The following ELOVL5 variants were observed in gnomAD, a reference collection of about 807,000 sequenced individuals.
ELOVL5 encodes the protein ELOVL fatty acid elongase 5.
ELOVL5 carries 8 observed loss-of-function variants against 38.6 expected under a neutral mutation model. The ratio of observed to expected loss-of-function variants is 0.21; its 90% CI spans 0.12 to 0.37. The LOEUF (loss-of-function observed/expected upper bound fraction) is 0.37, where lower values mean the gene tolerates loss of function less well. Ranked by LOEUF, ELOVL5 falls within the 10% of genes least tolerant of loss-of-function variation. ELOVL5 has a pLI of 1.00. For missense variants in ELOVL5, 280 were observed against 367.8 expected (o/e 0.76, Z 1.95); for synonymous variants, 127 against 133.7 (o/e 0.95, Z 0.34).
At chr6:53,321,195 C>G (rs1251356819) in intron 1 of ELOVL5, among the ~76,000 whole-genome samples, 1 of 152,158 alleles carries the variant, frequency 6.6e-6, no homozygotes, top group Non-Finnish European at 1.5e-5. Context: ...CATGCCATAC[C>G]AAAGAGTATG....
chr6:53,302,889 G>T (rs1767317804), intron 1 of ELOVL5, among the ~76,000 whole-genome samples: 1 of 151,970 alleles, frequency 6.6e-6, no homozygotes, highest in Non-Finnish European at 1.5e-5. Context: ...ATCATATCCT[G>T]CTTTACTTTT....
At chr6:53,271,482 AGAGGTTGCAGC>A (rs1765928893) in intron 6 of ELOVL5, among the ~76,000 whole-genome samples, 1 of 152,114 alleles carries the variant, frequency 6.6e-6, no homozygotes, top group Non-Finnish European at 1.5e-5. Context: ...CCCAGGAGGC[AGAGGTTGCAGC>A]GAACCGAGAT....
At chr6:53,274,198 A>C (rs556411192) in intron 5 of ELOVL5, among the ~76,000 whole-genome samples, 23 of 151,984 alleles carry the variant, frequency 1.5e-4, no homozygotes, top group African/African-American at 5.3e-4. Context: ...TTTCTATTAG[A>C]AAGTTAGGTC....
chr6:53,348,933 C>A lies in ELOVL5; in HGVS notation c.-125G>T, dbSNP rs1024736564. The stretch of plus-strand genomic sequence containing the variant: ...TAGAAGGAGACACCGGTGGCTAGGA[C>A]CCGCGCGATGGGAAGAGGAAGGCGC... On this transcript the variant is annotated 5_prime_UTR_variant, in exon 1 of 8. Coordinates refer to ENST00000304434, the MANE Select transcript of ELOVL5 (RefSeq NM_021814.5). 9.1e-6 allele frequency: 4 copies of A among 437,612 alleles called. No individual in the cohort carries two copies. The highest frequency in any genetic ancestry group is 3.2e-5 in the South Asian group (2 of 63,468). 27.1% of individuals were successfully genotyped at this position (437,612 alleles called of 1,614,324 possible).
In ELOVL5 at chr6:53,318,531, T is replaced by C. The variant is rs536208817; in HGVS notation, c.-8-22824A>G. 1.3e-4 allele frequency among the ~76,000 whole-genome samples: 20 copies of C among 152,332 alleles called. No individual in the cohort carries two copies. The South Asian group carries it at 2.7e-3, about 20-fold the overall frequency. On this transcript the variant is annotated intron_variant, in intron 1 of 7. Transcript: ENST00000304434. ...TTTTTCTATGCTTTAAAAAAGCACA[T>C]ACTTCCAGCCTGGGCAAAACGGTGA...
chr6:53,299,720 T>C (rs1469858940), intron 1 of ELOVL5, among the ~76,000 whole-genome samples: 4 of 152,194 alleles, frequency 2.6e-5, no homozygotes, highest in Non-Finnish European at 5.9e-5. Context: ...GAAGAGGCCC[T>C]GTGGAAGCTG....
At chr6:53,272,343 C>T (rs1765958141) in intron 6 of ELOVL5, among the ~76,000 whole-genome samples, 1 of 152,070 alleles carries the variant, frequency 6.6e-6, no homozygotes, top group Admixed American at 6.6e-5. Context: ...CACTATGTTC[C>T]CCAGGCTGGT....
intron 3 of ELOVL5, among the ~76,000 whole-genome samples, chr6:53,279,847 C>G (rs868108803): frequency 3.3e-5 from 5 of 152,180 alleles, no homozygotes; most frequent in Admixed American, 2.0e-4. Flanking sequence ...GCTTATTCAC[C>G]TAAGACCCTC....
intron 1 of ELOVL5, among the ~76,000 whole-genome samples, chr6:53,305,612 C>T (rs1767496176): frequency 6.7e-6 from 1 of 149,762 alleles, no homozygotes; most frequent in South Asian, 2.1e-4. Context: ...GATGGGCGGC[C>T]GGGCAGAGAC....
chr6:53,299,686 A>G (rs140216873), intron 1 of ELOVL5, among the ~76,000 whole-genome samples: 2,920 of 152,320 alleles, frequency 0.019, 54 homozygotes, highest in Non-Finnish European at 0.031. Context: ...ATCTGTCCCA[A>G]ATAATCTGAG....
rs140958788 is a variant in ELOVL5, at chr6:53,276,017, C to A, written c.324+162G>T. 6.8e-3 allele frequency among the ~76,000 whole-genome samples: 1,038 copies of A among 152,296 alleles called. 4 individuals are homozygous for A. The highest frequency in any genetic ancestry group is 0.011 in the Non-Finnish European group (748 of 68,014). On this transcript the variant is annotated intron_variant, in intron 4 of 7. Coordinates refer to ENST00000304434, the MANE Select transcript of ELOVL5 (RefSeq NM_021814.5). ...GGTTTTATTTTATACCTTTCACATT[C>A]AAATTTTAATTTGATGTGTATATAT...
chr6:53,314,820 T>C (rs1050284481), intron 1 of ELOVL5, among the ~76,000 whole-genome samples: 3 of 152,262 alleles, frequency 2.0e-5, no homozygotes, highest in African/African-American at 7.2e-5. Flanking sequence ...AGGGGATGGA[T>C]ATAAAATAGT....
rs181243280 is a variant in ELOVL5 at position 53,276,147 on chromosome 6, T to C, written c.324+32A>G. On this transcript the variant is annotated intron_variant, in intron 4 of 7. Coordinates refer to ENST00000304434, the MANE Select transcript of ELOVL5 (RefSeq NM_021814.5). ...TTTATTTTTAAAAACTCAACACTTA[T>C]AATAATAAAGTTTCTGAAAAAGAGA... is the stretch of plus-strand genomic sequence containing the variant. The C allele has an allele frequency of 1.3e-3, 1,955 of 1,472,658 alleles. 30 individuals are homozygous for C. The African/African-American group carries it at 0.024, about 18-fold the overall frequency. 91.2% of individuals were successfully genotyped at this position (1,472,658 alleles called of 1,614,324 possible). A position where few individuals can be genotyped will look rare whatever the true frequency, so the allele number is the denominator to read the frequency against.
intron 1 of ELOVL5, among the ~76,000 whole-genome samples, chr6:53,348,606 T>C (rs1463841848): frequency 1.3e-5 from 2 of 152,170 alleles, no homozygotes; most frequent in South Asian, 2.1e-4. Context: ...CCCGCACCCC[T>C]TTCCCCGCGC....
At chr6:53,322,726 C>T (rs2127587963) in intron 1 of ELOVL5, among the ~76,000 whole-genome samples, 1 of 152,302 alleles carries the variant, frequency 6.6e-6, no homozygotes, top group East Asian at 1.9e-4. Flanking sequence ...AAGAAGACTC[C>T]ACCAGCAAAA....
chr6:53,329,641 C>T (rs756596535), intron 1 of ELOVL5, among the ~76,000 whole-genome samples: 5 of 152,118 alleles, frequency 3.3e-5, no homozygotes, highest in Non-Finnish European at 5.9e-5. Flanking sequence ...CTGGCCAACA[C>T]GGTGAAACCC....
intron 1 of ELOVL5, among the ~76,000 whole-genome samples, chr6:53,340,709 T>C (rs72940713): frequency 0.022 from 3,415 of 152,358 alleles, 61 homozygotes; most frequent in Non-Finnish European, 0.037. Flanking sequence ...ATATGCCCTA[T>C]GTATGTGGTA....
chr6:53,305,371 C>A lies in ELOVL5; in HGVS notation c.-8-9664G>T, dbSNP rs1161519047. The stretch of plus-strand genomic sequence containing the variant: ...CTCCCGGACGGGGCGGCTGGCCTGG[C>A]GGGGGCTGACCCCCCCCCACCTCCC... On this transcript the variant is annotated intron_variant, in intron 1 of 7. Transcript: ENST00000304434. Among the ~76,000 whole-genome samples the A allele has an allele frequency of 2.0e-3, 184 of 94,122 alleles. 3 individuals carry two copies. Among genetic ancestry groups the A allele is most frequent in the South Asian group, 3.3e-3 (10 of 3,074 alleles). The allele number at this position is 94,122 out of a possible 152,430, so 61.7% of individuals were successfully genotyped here. A position where few individuals can be genotyped will look rare whatever the true frequency, so the allele number is the denominator to read the frequency against.
chr6:53,310,651 G>T (rs1388721247), intron 1 of ELOVL5, among the ~76,000 whole-genome samples: 1 of 152,084 alleles, frequency 6.6e-6, no homozygotes, highest in Non-Finnish European at 1.5e-5. Context: ...TCCCAGGCTG[G>T]TCTGGTTTTC....
Sources: gnomAD v4.1 joint callset for allele counts (sites outside exome capture counted in the v4.1 genomes callset) on GRCh38, gnomAD v4.1.1 for gene constraint, MANE v1.5 for transcripts, NCBI Gene and HGNC (gene_info 2026-07-23, HGNC 2026-07-21) for gene names.